SLC39A12: variants seen among roughly 807,000 people sequenced by gnomAD.
SLC39A12 encodes zinc transporter ZIP12.
SLC39A12 carries 63 observed loss-of-function variants against 71.1 expected under a neutral mutation model. That is an observed-to-expected ratio of 0.89 (90% confidence interval 0.72 to 1.09). The LOEUF (loss-of-function observed/expected upper bound fraction) is 1.09. Ranked by LOEUF, SLC39A12 falls within the 50% of genes least tolerant of loss-of-function variation. SLC39A12 has a pLI of 0.00. For missense variants in SLC39A12, 892 were observed against 812.6 expected (o/e 1.10, Z -1.19); for synonymous variants, 351 against 301.3 (o/e 1.16, Z -1.71).
At chr10:17,973,012 T>C (rs1015193178) in intron 4 of SLC39A12, among the ~76,000 whole-genome samples, 4 of 152,126 alleles carry the variant, frequency 2.6e-5, no homozygotes, top group Admixed American at 2.0e-4. Flanking sequence ...TTTTCTGTTT[T>C]GAGGTTATCA....
chr10:18,032,920 G>C (rs1213219958), intron 12 of SLC39A12, among the ~76,000 whole-genome samples: 1 of 129,254 alleles, frequency 7.7e-6, no homozygotes, highest in Admixed American at 7.9e-5. Context: ...TGTGGTTTTT[G>C]TCTTTGGCTC....
chr10:18,028,410 G>T, intron 12 of SLC39A12, among the ~76,000 whole-genome samples: 1 of 152,196 alleles, frequency 6.6e-6, no homozygotes, highest in Non-Finnish European at 1.5e-5. Flanking sequence ...CTTTAGTGAT[G>T]CCAACAGGAA....
intron 10 of SLC39A12, 77 bp from the exon 11 acceptor site, chr10:18,000,590 G>A: frequency 8.7e-6 from 12 of 1,373,904 alleles, no homozygotes; most frequent in South Asian, 1.3e-5. Flanking sequence ...AGGTGGGAAG[G>A]TTGGTTGGTT....
chr10:17,968,441 G>A (rs2130789765), intron 4 of SLC39A12, among the ~76,000 whole-genome samples: 1 of 152,192 alleles, frequency 6.6e-6, no homozygotes, highest in South Asian at 2.1e-4. Flanking sequence ...TTCTTTAAGT[G>A]AGCTTAATCA....
chr10:17,964,641 G>A (rs1421878634), intron 3 of SLC39A12, among the ~76,000 whole-genome samples: 4 of 152,288 alleles, frequency 2.6e-5, no homozygotes, highest in African/African-American at 7.2e-5. Flanking sequence ...AAAAGGTCCT[G>A]TGTCCTCTGG....
chr10:18,040,623 G>C (rs1837196168), intron 12 of SLC39A12, among the ~76,000 whole-genome samples: 1 of 151,930 alleles, frequency 6.6e-6, no homozygotes, highest in Non-Finnish European at 1.5e-5. Context: ...TACAAAATTA[G>C]CCAAGCATGG....
chr10:17,968,040 C>T (rs1303838684), intron 4 of SLC39A12, among the ~76,000 whole-genome samples: 1 of 151,218 alleles, frequency 6.6e-6, no homozygotes, highest in African/African-American at 2.4e-5. Flanking sequence ...TATCTTCTAG[C>T]TGATCTTTGT....
intron 4 of SLC39A12, among the ~76,000 whole-genome samples, chr10:17,971,799 T>C (rs1834981885): frequency 6.6e-6 from 1 of 152,186 alleles, no homozygotes; most frequent in Non-Finnish European, 1.5e-5. Flanking sequence ...GTTTCATTGA[T>C]CTTTTGTATT....
rs1314476741 is a variant in SLC39A12 at position 17,977,992 on chromosome 10, T to A, written c.842T>A (p.Ile281Lys). 6.2e-7 allele frequency: 1 copy of A among 1,611,436 alleles called. No individual in the cohort carries two copies. The highest frequency in any genetic ancestry group is 1.3e-5 in the African/African-American group (1 of 74,932). ...IHQFQRKQNN[I>K]ITHDQDYSNF... is the part of the protein sequence containing the mutation. ...CAATTTCAAAGGAAACAAAACAACATAATAACCCATGATCAGGACTATTCT... is the reference window on the plus strand; with the variant it reads ...CAATTTCAAAGGAAACAAAACAACAAAATAACCCATGATCAGGACTATTCT... Residue 281 changes from isoleucine (I) to lysine (K), a missense_variant, in exon 5 of 13, where the codon ATA (isoleucine) becomes AAA (lysine). Physicochemically the swap from Ile to Lys is moderately radical, Grantham distance 102. Coordinates refer to ENST00000377369, the MANE Select transcript of SLC39A12 (RefSeq NM_001145195.2).
chr10:18,024,888 C>G (rs553059296), intron 12 of SLC39A12, among the ~76,000 whole-genome samples: 4 of 152,284 alleles, frequency 2.6e-5, no homozygotes, highest in African/African-American at 7.2e-5. Flanking sequence ...TATCCTTGCT[C>G]TGAATTCTGC....
At chr10:18,021,862 C>A (rs1414721252) in intron 12 of SLC39A12, among the ~76,000 whole-genome samples, 1 of 152,132 alleles carries the variant, frequency 6.6e-6, no homozygotes, top group Non-Finnish European at 1.5e-5. Flanking sequence ...GATTTTATTT[C>A]TCCTTCACTT....
At chr10:18,038,620 C>G (rs1156826204) in intron 12 of SLC39A12, among the ~76,000 whole-genome samples, 1 of 151,662 alleles carries the variant, frequency 6.6e-6, no homozygotes, top group African/African-American at 2.4e-5. Context: ...CCACTGCACT[C>G]CAGCCTGGGC....
intron 8 of SLC39A12, 65 bp downstream of exon 8, chr10:17,991,368 A>G: frequency 7.4e-7 from 1 of 1,350,698 alleles, no homozygotes; most frequent in Non-Finnish European, 9.9e-7. Flanking sequence ...CTGTTCCTTC[A>G]CAAGTACTTG....
In SLC39A12 at chr10:17,953,475, A is replaced by G. The variant is rs1554847395; in HGVS notation, c.199A>G (p.Thr67Ala). 1.9e-6 allele frequency: 3 copies of G among 1,614,098 alleles called. No homozygotes were observed. The South Asian group carries it at 3.3e-5, about 18-fold the overall frequency. ...PHNHSRSLIK[T>A]LLEKTGCPRR... ...CAACCACTCAAGAAGCCTCATCAAA[A>G]CATTGTTGGAGAAAACTGGGTGCCC... The change falls in exon 2 of 13, where the codon ACA (threonine) becomes GCA (alanine). Residue 67 changes from threonine (T) to alanine (A), a missense_variant. Transcript: ENST00000377369.
chr10:17,956,482 A>G (rs1439560126), intron 2 of SLC39A12, among the ~76,000 whole-genome samples: 8 of 152,180 alleles, frequency 5.3e-5, no homozygotes, highest in Admixed American at 3.9e-4. Context: ...CTCCTTAGGA[A>G]TCAGATCTCT....
At chr10:18,019,258 G>T (rs1358232235) in intron 12 of SLC39A12, among the ~76,000 whole-genome samples, 26 of 151,844 alleles carry the variant, frequency 1.7e-4, no homozygotes, top group Admixed American at 1.7e-3. Flanking sequence ...TTGATTTCCA[G>T]TATCAGTACT....
intron 5 of SLC39A12, among the ~76,000 whole-genome samples, chr10:17,979,824 C>T (rs1835207889): frequency 5.9e-5 from 9 of 152,138 alleles, no homozygotes; most frequent in Admixed American, 5.9e-4. Context: ...ACCCAAGAGG[C>T]ACCATCTGTG....
intron 6 of SLC39A12, among the ~76,000 whole-genome samples, chr10:17,983,991 C>T (rs984827182): frequency 2.6e-5 from 4 of 152,124 alleles, no homozygotes; most frequent in African/African-American, 7.2e-5. Flanking sequence ...GCACCATCTT[C>T]GATTAAGTTT....
chr10:17,956,883 C>G (rs1197649470), intron 2 of SLC39A12, among the ~76,000 whole-genome samples: 2 of 152,178 alleles, frequency 1.3e-5, no homozygotes, highest in Non-Finnish European at 2.9e-5. Context: ...AGAAGACCCA[C>G]TAAATCTAGT....
Sources: allele counts gnomAD v4.1 joint callset (sites outside exome capture counted in the v4.1 genomes callset), GRCh38; gene constraint gnomAD v4.1.1; transcripts MANE v1.5; gene names NCBI Gene and HGNC (gene_info 2026-07-23, HGNC 2026-07-21).